The following DRC11 variants were observed in gnomAD, a reference collection of about 807,000 sequenced individuals.
DRC11 encodes dynein regulatory complex subunit 11, also known as IQ and AAA domain-containing protein 1.
chr2:236,411,667 C>T, the DRC11 span, among the ~76,000 whole-genome samples: 19 of 147,918 alleles, frequency 1.3e-4, no homozygotes, highest in African/African-American at 3.7e-4. Context: ...CAATGATAGA[C>T]TGGATTAAGA....
the DRC11 span, among the ~76,000 whole-genome samples, chr2:236,316,890 C>A: frequency 6.6e-6 from 1 of 152,204 alleles, no homozygotes; most frequent in African/African-American, 2.4e-5. This position sits in a 1 kb window ranked among gnomAD's most constrained non-coding sequence, Gnocchi z 6.8. Flanking sequence ...CTGGGGCGAG[C>A]AGCTGTCTTC....
At chr2:236,379,318 G>A in the DRC11 span, among the ~76,000 whole-genome samples, 1 of 137,468 alleles carries the variant, frequency 7.3e-6, no homozygotes, top group Non-Finnish European at 1.6e-5. Flanking sequence ...GGGAGCGACA[G>A]GACCAAGGGG....
the DRC11 span, among the ~76,000 whole-genome samples, chr2:236,336,440 CACCACCACT>C: frequency 6.6e-6 from 1 of 150,424 alleles, no homozygotes; most frequent in Non-Finnish European, 1.5e-5. The surrounding 1 kb of genome is among the most constrained non-coding windows in gnomAD (Gnocchi z 7.3). Context: ...CCACCACGGC[CACCACCACT>C]GCCACCACGG....
chr2:236,474,273 T>C, the DRC11 span, among the ~76,000 whole-genome samples: 3 of 152,184 alleles, frequency 2.0e-5, no homozygotes, highest in East Asian at 1.9e-4. Flanking sequence ...ATTCTCTTTA[T>C]ACTATTCAAA....
At chr2:236,323,002 A>G in the DRC11 span, among the ~76,000 whole-genome samples, 1,101 of 152,304 alleles carry the variant, frequency 7.2e-3, 15 homozygotes, top group African/African-American at 0.024. This position sits in a 1 kb window ranked among gnomAD's most constrained non-coding sequence, Gnocchi z 6.4. Flanking sequence ...TCACTTAATT[A>G]CTGTTTATTA....
chr2:236,488,033 T>A, the DRC11 span: 1 of 1,602,436 alleles, frequency 6.2e-7, no homozygotes, highest in Non-Finnish European at 8.5e-7. Context: ...CCCAGGTATC[T>A]GTCACTTTCT....
At chr2:236,462,031 G>C in the DRC11 span, among the ~76,000 whole-genome samples, 5 of 152,174 alleles carry the variant, frequency 3.3e-5, no homozygotes, top group African/African-American at 1.2e-4. The surrounding 1 kb of genome is among the most constrained non-coding windows in gnomAD (Gnocchi z 6.4). Context: ...GCCCCATCCT[G>C]TAAGGGCCTC....
chr2:236,471,865 C>T, the DRC11 span, among the ~76,000 whole-genome samples: 89 of 152,198 alleles, frequency 5.8e-4, no homozygotes, highest in African/African-American at 2.0e-3. The surrounding 1 kb of genome is among the most constrained non-coding windows in gnomAD (Gnocchi z 4.6). Flanking sequence ...AATGAGCCCT[C>T]ATATTAGATA....
the DRC11 span, among the ~76,000 whole-genome samples, chr2:236,388,271 C>A: frequency 1.3e-5 from 2 of 150,416 alleles, no homozygotes; most frequent in Non-Finnish European, 1.5e-5. Flanking sequence ...CAACTTGGTT[C>A]CATTCTCCCC....
At chr2:236,487,088 G>A in the DRC11 span, among the ~76,000 whole-genome samples, 1 of 152,114 alleles carries the variant, frequency 6.6e-6, no homozygotes, top group Non-Finnish European at 1.5e-5. Context: ...TAAAAAGAAT[G>A]AACCACAGAA....
chr2:236,477,719 C>T, the DRC11 span, among the ~76,000 whole-genome samples: 1 of 152,086 alleles, frequency 6.6e-6, no homozygotes, highest in East Asian at 1.9e-4. Context: ...CATTAGTCAT[C>T]ATTGGTCTGT....
chr2:236,495,470 T>C, the DRC11 span, among the ~76,000 whole-genome samples: 18 of 152,364 alleles, frequency 1.2e-4, no homozygotes, highest in East Asian at 3.1e-3. The surrounding 1 kb of genome is among the most constrained non-coding windows in gnomAD (Gnocchi z 5.6). Context: ...CCCTGAAACC[T>C]TGAGGTTTCT....
the DRC11 span, among the ~76,000 whole-genome samples, chr2:236,459,535 GTA>G: frequency 4.1e-4 from 44 of 106,118 alleles, no homozygotes; most frequent in Middle Eastern, 6.8e-3. Flanking sequence ...ACATGTATAC[GTA>G]TACGTATACG....
chr2:236,454,704 C>G, the DRC11 span: 2 of 152,186 alleles, frequency 1.3e-5, no homozygotes, highest in African/African-American at 4.8e-5. This position sits in a 1 kb window ranked among gnomAD's most constrained non-coding sequence, Gnocchi z 5.3. Flanking sequence ...CAGAAGATAT[C>G]TATTGTGAAC....
At chr2:236,357,413 A>G in the DRC11 span, among the ~76,000 whole-genome samples, 1 of 125,632 alleles carries the variant, frequency 8.0e-6, no homozygotes, top group Non-Finnish European at 1.5e-5. Flanking sequence ...GCATATTTAT[A>G]TTATAAATAA....
chr2:236,319,688 T>G, the DRC11 span, among the ~76,000 whole-genome samples: 4 of 152,186 alleles, frequency 2.6e-5, no homozygotes, highest in African/African-American at 4.8e-5. The surrounding 1 kb of genome is among the most constrained non-coding windows in gnomAD (Gnocchi z 6.7). Flanking sequence ...AATAAACACT[T>G]GCTGATTGTA....
At chr2:236,491,161 A>ATATATATATATATATATATACACACAG in the DRC11 span, among the ~76,000 whole-genome samples, 43 of 51,468 alleles carry the variant, frequency 8.4e-4, 1 homozygote, top group African/African-American at 1.9e-3. Flanking sequence ...TACACACAGT[A>ATATATATATATATATATATACACACAG]TATATATATA....
At chr2:236,310,008 G>A in the DRC11 span, among the ~76,000 whole-genome samples, 22 of 152,204 alleles carry the variant, frequency 1.4e-4, no homozygotes, top group Admixed American at 2.6e-4. This position sits in a 1 kb window ranked among gnomAD's most constrained non-coding sequence, Gnocchi z 5.5. Context: ...CTGTGCACCC[G>A]TGCCTGCCCG....
At chr2:236,436,032 G>A in the DRC11 span, among the ~76,000 whole-genome samples, 4 of 152,126 alleles carry the variant, frequency 2.6e-5, no homozygotes, top group Non-Finnish European at 5.9e-5. Flanking sequence ...AGCAATGTAT[G>A]AGAGTGACTT....
Sources: allele counts gnomAD v4.1 joint callset (sites outside exome capture counted in the v4.1 genomes callset), GRCh38; gene constraint gnomAD v4.1.1; non-coding constraint Gnocchi (gnomAD v3.1); transcripts MANE v1.5; gene names NCBI Gene and HGNC (gene_info 2026-07-23, HGNC 2026-07-21).